Variants in SLC12A3 observed in about 807,000 individuals in gnomAD.
The protein encoded by SLC12A3 is Na-Cl cotransporter.
A neutral mutation model predicts 121.0 loss-of-function variants in SLC12A3; 104 were observed. The observed-to-expected ratio is 0.86, with a 90% CI of 0.73 to 1.01. The LOEUF (loss-of-function observed/expected upper bound fraction) is 1.01, where lower values mean the gene tolerates loss of function less well. SLC12A3 is among the 50% of genes least tolerant of loss of function. SLC12A3 has a pLI of 0.00. For missense variants in SLC12A3, 1,328 were observed against 1,356.3 expected (o/e 0.98, Z 0.33); for synonymous variants, 536 against 533.4 (o/e 1.00, Z -0.07).
chr16:56,908,389 C>G (rs1323688328), intron 25 of SLC12A3, among the ~76,000 whole-genome samples: 1 of 152,056 alleles, frequency 6.6e-6, no homozygotes, highest in East Asian at 1.9e-4. Context: ...AGGTGATCCA[C>G]CCACCTCAGC....
At chr16:56,869,885 G>A in intron 4 of SLC12A3, 61 bp downstream of exon 4, 1 of 1,503,670 alleles carries the variant, frequency 6.7e-7, no homozygotes, top group East Asian at 2.3e-5. Flanking sequence ...CTGGGAACAG[G>A]ACTCCCAACT....
intron 23 of SLC12A3, among the ~76,000 whole-genome samples, chr16:56,901,789 C>T (rs567536422): frequency 6.6e-6 from 1 of 152,322 alleles, no homozygotes; most frequent in South Asian, 2.1e-4. Context: ...CCCTTCCCTG[C>T]ACTCACCTTG....
intron 19 of SLC12A3, among the ~76,000 whole-genome samples, 184 bp from the exon 20 acceptor site, chr16:56,891,899 G>A (rs1294339965): frequency 6.6e-6 from 1 of 152,204 alleles, no homozygotes; most frequent in African/African-American, 2.4e-5. Flanking sequence ...ATGCGCGACT[G>A]GAATGTGAGG....
chr16:56,902,774 C>T (rs1388410202), intron 24 of SLC12A3, among the ~76,000 whole-genome samples: 1 of 152,056 alleles, frequency 6.6e-6, no homozygotes, highest in Non-Finnish European at 1.5e-5. Flanking sequence ...GAGTCCTCCT[C>T]CTCCTCCTCC....
chr16:56,888,608 G>C (rs1453128869), intron 18 of SLC12A3, among the ~76,000 whole-genome samples: 7 of 138,066 alleles, frequency 5.1e-5, no homozygotes, highest in African/African-American at 1.9e-4. Flanking sequence ...GCCCAGGCTG[G>C]AGTGCAGTGG....
chr16:56,872,874 G>T, intron 8 of SLC12A3, 88 bp downstream of exon 8: 1 of 1,537,766 alleles, frequency 6.5e-7, no homozygotes, highest in South Asian at 1.1e-5. Flanking sequence ...GGCATCTGCC[G>T]CTGACCTGGG....
At chr16:56,888,490 T>G (rs574858308) in intron 18 of SLC12A3, among the ~76,000 whole-genome samples, 2 of 151,070 alleles carry the variant, frequency 1.3e-5, no homozygotes, top group East Asian at 1.9e-4. Context: ...CTCGTGTCCA[T>G]GCAGAATGGG....
intron 23 of SLC12A3, among the ~76,000 whole-genome samples, chr16:56,901,345 C>CTTTTTTTT (rs1408480661): frequency 1.0e-3 from 86 of 84,122 alleles, no homozygotes; most frequent in Middle Eastern, 7.1e-3. Context: ...ATCTCTCTCT[C>CTTTTTTTT]TCTTTTTTTT....
rs1473705027 is a variant in SLC12A3, at chr16:56,884,157, T to C, written c.1778T>C (p.Ile593Thr). 4 of 1,614,160 alleles carry C rather than the reference T, an allele frequency of 2.5e-6. No individual in the cohort carries two copies. The highest frequency in any genetic ancestry group is 1.1e-5 in the South Asian group (1 of 91,084). ...ACCTGGTGGGCGGCCCTCATCGCCATTGGCGTGGTGCTCTTCCTCCTGCTC... is the reference window on the plus strand; with the variant it reads ...ACCTGGTGGGCGGCCCTCATCGCCACTGGCGTGGTGCTCTTCCTCCTGCTC... ...LLTWWAALIA[I>T]GVVLFLLLYV... Residue 593 changes from isoleucine to threonine, a missense_variant, in exon 14 of 26, where the codon ATT becomes ACT. Coordinates refer to ENST00000563236, the MANE Select transcript of SLC12A3 (RefSeq NM_001126108.2).
intron 22 of SLC12A3, among the ~76,000 whole-genome samples, chr16:56,898,404 AC>A (rs2055494300): frequency 6.6e-6 from 1 of 152,008 alleles, no homozygotes; most frequent in Non-Finnish European, 1.5e-5. Flanking sequence ...GACTACAGGC[AC>A]CTGCTACCAC....
At chr16:56,893,885 C>G (rs1845456526) in intron 21 of SLC12A3, among the ~76,000 whole-genome samples, 1 of 152,142 alleles carries the variant, frequency 6.6e-6, no homozygotes, top group South Asian at 2.1e-4. Flanking sequence ...TCAAGCGATT[C>G]TCCTGCCTCA....
chr16:56,893,133 C>T (rs1225392435), intron 21 of SLC12A3, 79 bp downstream of exon 21: 1 of 1,224,000 alleles, frequency 8.2e-7, no homozygotes. Context: ...TCCTTCCTGG[C>T]CTGCTCTCAA....
rs71152216 is a variant in SLC12A3, at chr16:56,883,279, CTTTTT to C, written c.1670-755_1670-751del. 8.4e-5 allele frequency among the ~76,000 whole-genome samples: 10 copies of C among 119,536 alleles called. No individual in the cohort carries two copies. In the East Asian group the frequency reaches 1.2e-3, roughly 15 times the overall value. 78.4% of individuals were successfully genotyped at this position (119,536 alleles called of 152,430 possible). A position where few individuals can be genotyped will look rare whatever the true frequency, so the allele number is the denominator to read the frequency against. Reference sequence around the variant, plus strand: ...GAGGCTTGAGGAAGACTTTTTCTTTCTTTTTTTTTTTTTTTTTTTGAGACGGAGTC... The same window carrying C: ...GAGGCTTGAGGAAGACTTTTTCTTTCTTTTTTTTTTTTTTGAGACGGAGTC... On this transcript the variant is annotated intron_variant, in intron 13 of 25. Coordinates refer to ENST00000563236, the MANE Select transcript of SLC12A3 (RefSeq NM_001126108.2).
intron 12 of SLC12A3, among the ~76,000 whole-genome samples, chr16:56,882,048 C>CA (rs34001750): frequency 9.1e-4 from 116 of 127,198 alleles, no homozygotes; most frequent in Middle Eastern, 4.0e-3. Flanking sequence ...GAGTCCGTCT[C>CA]AAAAAAAAAA....
In SLC12A3 at chr16:56,886,464, C is replaced by T. The variant is rs1479422305; in HGVS notation, c.2026C>T (p.His676Tyr). ...TRNLSLMICGHVLIGPHKQRM... is the reference protein window; with the variant it reads ...TRNLSLMICGYVLIGPHKQRM... ...GAACCTCAGCCTGATGATCTGTGGC[C>T]ACGTGCTCATCGTGAGTGGCCCCTG... The change falls in exon 16 of 26, where the codon CAC becomes TAC. Residue 676 changes from histidine to tyrosine, a missense_variant. Coordinates refer to ENST00000563236, the MANE Select transcript of SLC12A3 (RefSeq NM_001126108.2). 6.2e-7 allele frequency: 1 copy of T among 1,613,832 alleles called. No individual in the cohort carries two copies. Among genetic ancestry groups the T allele is most frequent in the Non-Finnish European group, 8.5e-7 (1 of 1,179,894 alleles).
In SLC12A3 at chr16:56,879,548, A is replaced by C. The variant is rs774763513; in HGVS notation, c.1342A>C (p.Ser448Arg). 13 of 1,612,736 alleles carry C rather than the reference A, an allele frequency of 8.1e-6. No individual in the cohort carries two copies. The highest frequency in any genetic ancestry group is 1.1e-5 in the Non-Finnish European group (13 of 1,179,078). Residue 448 changes from serine (S) to arginine (R), a missense_variant, in exon 11 of 26, where the codon AGC becomes CGC. Coordinates refer to ENST00000563236, the MANE Select transcript of SLC12A3 (RefSeq NM_001126108.2). ...GAGCCCCAAATCCCCACAGACCATG[A>C]GCATGGTGTCAGGCTTCGCGCCCCT... ...YGLINYYQTM[S>R]MVSGFAPLIT...
chr16:56,869,718 G>A lies in SLC12A3; in HGVS notation c.506-11G>A. On this transcript the variant is annotated splice_polypyrimidine_tract_variant and intron_variant, in intron 3 of 25. Coordinates refer to ENST00000563236, the MANE Select transcript of SLC12A3 (RefSeq NM_001126108.2). ...GAAATGCCCTGCCTAAGCTTTGGGTGCCCCCTGCAGTCCTGACCTGGATCA... is the reference window on the plus strand; with the variant it reads ...GAAATGCCCTGCCTAAGCTTTGGGTACCCCCTGCAGTCCTGACCTGGATCA... The A allele has an allele frequency of 6.2e-7, 1 of 1,612,536 alleles. No individual in the cohort carries two copies. Among genetic ancestry groups the A allele is most frequent in the Non-Finnish European group, 8.5e-7 (1 of 1,178,640 alleles).
chr16:56,870,772 G>A (rs1270053737), intron 6 of SLC12A3, 36 bp downstream of exon 6: 1 of 1,347,422 alleles, frequency 7.4e-7, no homozygotes, highest in Non-Finnish European at 1.1e-6. Flanking sequence ...CATGGAGGTG[G>A]TCACGTGGAG....
At position 56,879,566 on chromosome 16, in the gene SLC12A3, G is replaced by C; in HGVS notation, c.1360G>C (p.Ala454Pro). ...GACCATGAGCATGGTGTCAGGCTTC[G>C]CGCCCCTGATCACGGCTGGCATCTT... Reference protein sequence around the residue: ...YQTMSMVSGFAPLITAGIFGA... With the variant: ...YQTMSMVSGFPPLITAGIFGA... The change falls in exon 11 of 26, where the codon GCG becomes CCG. Residue 454 changes from alanine (A) to proline (P), a missense_variant. Transcript: ENST00000563236. 1 of 1,613,730 alleles carries C rather than the reference G, an allele frequency of 6.2e-7. No individual in the cohort carries two copies. The highest frequency in any genetic ancestry group is 8.5e-7 in the Non-Finnish European group (1 of 1,179,920).
Sources: gnomAD v4.1 joint callset for allele counts (sites outside exome capture counted in the v4.1 genomes callset) on GRCh38, gnomAD v4.1.1 for gene constraint, MANE v1.5 for transcripts, NCBI Gene and HGNC (gene_info 2026-07-23, HGNC 2026-07-21) for gene names.